The following ARVCF variants were observed in gnomAD, a reference collection of about 807,000 sequenced individuals.
The protein encoded by ARVCF is splicing regulator ARVCF.
ARVCF carries 66 observed loss-of-function variants against 90.9 expected under a neutral mutation model. That is an observed-to-expected ratio of 0.73 (90% CI 0.60 to 0.89). ARVCF has a LOEUF of 0.89. Ranked by LOEUF, ARVCF falls within the 40% of genes least tolerant of loss-of-function variation. The pLI is 0.00. For missense variants in ARVCF, 1,469 were observed against 1,382.3 expected (o/e 1.06, Z -1.00); for synonymous variants, 653 against 603.4 (o/e 1.08, Z -1.21).
chr22:20,008,867 G>A (rs1944727509), intron 2 of ARVCF, among the ~76,000 whole-genome samples: 1 of 152,208 alleles, frequency 6.6e-6, no homozygotes, highest in Non-Finnish European at 1.5e-5. Context: ...GATGGGGAAA[G>A]GCAGAGAAAG....
Position 19,971,343 on chromosome 22 carries a change from G to C in ARVCF, c.2782-8C>G, listed in dbSNP as rs373804827. On this transcript the variant is annotated splice_polypyrimidine_tract_variant and splice_region_variant and intron_variant, in intron 18 of 19. Coordinates refer to ENST00000263207, the MANE Select transcript of ARVCF (RefSeq NM_001670.3). The stretch of plus-strand genomic sequence containing the variant: ...CTTCCTGCTGGGGTCGAGCTGCAGC[G>C]CACGGGTGGGCATTAGAGGCACAAT... 5.2e-6 allele frequency: 8 copies of C among 1,549,232 alleles called. No individual in the cohort carries two copies. Among genetic ancestry groups the C allele is most frequent in the Non-Finnish European group, 7.0e-6 (8 of 1,147,246 alleles).
chr22:19,988,352 A>G (rs1943899159), intron 3 of ARVCF, among the ~76,000 whole-genome samples: 1 of 152,312 alleles, frequency 6.6e-6, no homozygotes, highest in South Asian at 2.1e-4. Context: ...AAGACCAGAC[A>G]CTGCGCCAAA....
downstream of ARVCF, among the ~76,000 whole-genome samples, chr22:19,966,439 A>G (rs1379714765): frequency 5.6e-5 from 1 of 17,870 alleles, no homozygotes; most frequent in Non-Finnish European, 3.0e-4. Context: ...TCCCCCTTAA[A>G]AAAAAAAAAA....
intron 1 of ARVCF, among the ~76,000 whole-genome samples, chr22:20,012,968 C>A (rs1425777001): frequency 6.6e-6 from 1 of 152,250 alleles, no homozygotes; most frequent in African/African-American, 2.4e-5. Flanking sequence ...CAGGTGAGCT[C>A]GCTCTGCACT....
chr22:19,973,100 C>T lies in ARVCF; in HGVS notation c.2438+19G>A, dbSNP rs758523862. The stretch of plus-strand genomic sequence containing the variant: ...CCACCTCCGCGGCTCCCCAAGCCAC[C>T]GACCCCGCCCCTCCACACCTGGAGG... On this transcript the variant is annotated intron_variant, in intron 14 of 19. Coordinates refer to ENST00000263207, the MANE Select transcript of ARVCF (RefSeq NM_001670.3). 9 of 1,597,934 alleles carry T rather than the reference C, an allele frequency of 5.6e-6. No individual in the cohort carries two copies. The highest frequency in any genetic ancestry group is 2.2e-5 in the South Asian group (2 of 90,060).
rs1268917219 is a variant in ARVCF, at chr22:19,970,678, C to T, written c.*78G>A. ...CCAGGGGGCTCCAAGCTCCACGGCA[C>T]GATCTGCTCAGGGTGGCCCTTCTTC... On this transcript the variant is annotated 3_prime_UTR_variant, in exon 20 of 20. Transcript: ENST00000263207. 3.9e-6 allele frequency: 5 copies of T among 1,286,440 alleles called. No homozygotes were observed. Among genetic ancestry groups the T allele is most frequent in the African/African-American group, 1.5e-5 (1 of 65,388 alleles). 79.7% of individuals were successfully genotyped at this position (1,286,440 alleles called of 1,614,324 possible).
At position 19,973,771 on chromosome 22, in the gene ARVCF, G is replaced by A; in HGVS notation, c.2111C>T (p.Thr704Ile). 1.2e-6 allele frequency: 2 copies of A among 1,606,888 alleles called. No homozygotes were observed. Among genetic ancestry groups the A allele is most frequent in the East Asian group, 2.2e-5 (1 of 44,870 alleles). The change falls in exon 13 of 20, where the codon ACA (threonine) becomes ATA (isoleucine). Residue 704 changes from threonine (T) to isoleucine (I), a missense_variant. Coordinates refer to ENST00000263207, the MANE Select transcript of ARVCF (RefSeq NM_001670.3). The stretch of plus-strand genomic sequence containing the variant: ...CGGCAGCCCGCGCTCTTTGCGCACT[G>A]TGGCGCGGATGTACGTGGCCCACTG... ...NWMWATYIRATVRKERGLPVL... is the reference protein window; with the variant it reads ...NWMWATYIRAIVRKERGLPVL...
Position 19,981,616 on chromosome 22 carries a change from T to TC in ARVCF, c.490dup (p.Asp164GlyfsTer61). 1 of 1,608,074 alleles carries TC rather than the reference T, an allele frequency of 6.2e-7. No individual in the cohort carries two copies. Among genetic ancestry groups the TC allele is most frequent in the Middle Eastern group, 1.7e-4 (1 of 6,056 alleles). ...ACCACCACGCAGCAGGAAATGCCGG[T>TC]CCAGGGCACCATCTGCAAAAGGGCC... On this transcript the variant is annotated frameshift_variant, in exon 5 of 20. Coordinates refer to ENST00000263207, the MANE Select transcript of ARVCF (RefSeq NM_001670.3). LOFTEE classifies it high-confidence loss of function.
intron 2 of ARVCF, among the ~76,000 whole-genome samples, chr22:19,997,819 G>A (rs1055758660): frequency 2.0e-5 from 3 of 152,244 alleles, no homozygotes; most frequent in African/African-American, 7.2e-5. Context: ...GCCCTACTAA[G>A]TGGGCCGGAC....
At chr22:19,979,672 TCG>T (rs1359144011) in intron 6 of ARVCF, 69 bp downstream of exon 6, 1 of 1,489,688 alleles carries the variant, frequency 6.7e-7, no homozygotes, top group African/African-American at 1.4e-5. Context: ...CCGAGTGGCC[TCG>T]TTCCTCCCGG....
chr22:19,982,578 G>C (rs544483018), intron 3 of ARVCF, among the ~76,000 whole-genome samples: 1 of 152,258 alleles, frequency 6.6e-6, no homozygotes, highest in African/African-American at 2.4e-5. Flanking sequence ...GACACCTTGA[G>C]TATAGAAGCC....
intron 2 of ARVCF, among the ~76,000 whole-genome samples, chr22:20,006,398 A>G (rs1176524516): frequency 2.6e-5 from 4 of 151,822 alleles, no homozygotes; most frequent in African/African-American, 9.7e-5. Flanking sequence ...TAACATGGTG[A>G]AACCCCGTCT....
chr22:19,974,349 G>T, intron 11 of ARVCF, 110 bp from the exon 12 acceptor site: 1 of 1,361,606 alleles, frequency 7.3e-7, no homozygotes, highest in Non-Finnish European at 9.7e-7. Flanking sequence ...GCTGGGGCCA[G>T]GGATGGGTGT....
Position 19,978,098 on chromosome 22 carries a change from G to C in ARVCF, c.1581-23C>G, listed in dbSNP as rs759797000. ...TTCCTGTGTGGCCAAGAGCAGGCCAGGTGACCCCTGGCTACCAGAAACTCC... is the reference window on the plus strand; with the variant it reads ...TTCCTGTGTGGCCAAGAGCAGGCCACGTGACCCCTGGCTACCAGAAACTCC... On this transcript the variant is annotated intron_variant, in intron 7 of 19. Coordinates refer to ENST00000263207, the MANE Select transcript of ARVCF (RefSeq NM_001670.3). 5 of 1,577,218 alleles carry C rather than the reference G, an allele frequency of 3.2e-6. No homozygotes were observed. The Admixed American group carries it at 9.0e-5, about 29-fold the overall frequency.
At chr22:20,011,056 T>C (rs772696753) in intron 1 of ARVCF, among the ~76,000 whole-genome samples, 1 of 152,236 alleles carries the variant, frequency 6.6e-6, no homozygotes, top group Non-Finnish European at 1.5e-5. Context: ...GGCAGGTTCC[T>C]GGCCCTGGAG....
chr22:19,970,095 G>A lies in ARVCF; in HGVS notation c.*661C>T, dbSNP rs372019676. On this transcript the variant is annotated 3_prime_UTR_variant, in exon 20 of 20. Transcript: ENST00000263207. The stretch of plus-strand genomic sequence containing the variant: ...TGCTGCCCAGGCTCCAGGCAGATGC[G>A]GCAGCCCCGGCCCCAGCCAGCATGG... 1.2e-5 allele frequency: 12 copies of A among 985,398 alleles called. No homozygotes were observed. Among genetic ancestry groups the A allele is most frequent in the East Asian group, 2.3e-4 (2 of 8,818 alleles). 61.0% of individuals were successfully genotyped at this position (985,398 alleles called of 1,614,324 possible).
intron 2 of ARVCF, among the ~76,000 whole-genome samples, chr22:20,005,453 T>C (rs1944587750): frequency 6.6e-6 from 1 of 151,886 alleles, no homozygotes. Context: ...AAGATCAGTA[T>C]GGCAATTCCT....
At chr22:19,992,679 G>A (rs2146391545) in intron 2 of ARVCF, among the ~76,000 whole-genome samples, 1 of 152,340 alleles carries the variant, frequency 6.6e-6, no homozygotes, top group Non-Finnish European at 1.5e-5. Context: ...TGCCTTGGAT[G>A]GCAACAATCA....
chr22:19,990,443 G>T, intron 3 of ARVCF, 142 bp downstream of exon 3: 2 of 1,062,628 alleles, frequency 1.9e-6, no homozygotes, highest in Non-Finnish European at 2.7e-6. Flanking sequence ...AGCCCAACCT[G>T]GGATCCCATT....
Sources: gnomAD v4.1 joint callset for allele counts (sites outside exome capture counted in the v4.1 genomes callset) on GRCh38, gnomAD v4.1.1 for gene constraint, MANE v1.5 for transcripts, NCBI Gene and HGNC (gene_info 2026-07-23, HGNC 2026-07-21) for gene names.